The following EGFR variants were observed in gnomAD, a reference collection of about 807,000 sequenced individuals.
EGFR encodes avian erythroblastic leukemia viral (v-erb-b) oncogene homolog.
Under a neutral mutation model 143.0 loss-of-function variants are expected in EGFR, and 58 were observed. The observed-to-expected ratio is 0.41, with a 90% CI of 0.33 to 0.50. The LOEUF is 0.50. Ranked by LOEUF, EGFR falls within the 20% of genes least tolerant of loss-of-function variation. The pLI, the probability that EGFR is intolerant of heterozygous loss-of-function variation, is 0.39. For synonymous variants in EGFR, 613 were observed against 594.4 expected (o/e 1.03, Z -0.45); for missense variants, 1,307 against 1,579.0 (o/e 0.83, Z 2.92).
chr7:55,135,956 A>G (rs900158088), intron 1 of EGFR, among the ~76,000 whole-genome samples: 5 of 152,288 alleles, frequency 3.3e-5, no homozygotes, highest in African/African-American at 1.2e-4. Flanking sequence ...CATGGTCACT[A>G]TGGAAAACAT....
At position 55,155,911 on chromosome 7, in the gene EGFR, G is replaced by A. The variant is rs758748662; in HGVS notation, c.971G>A (p.Arg324His). The part of the protein sequence containing the change: ...DSYEMEEDGV[R>H]KCKKCEGPCR... Reference sequence around the variant, plus strand: ...TATGAGATGGAGGAAGACGGCGTCCGCAAGTGTAAGAAGTGCGAAGGGCCT... The same window carrying A: ...TATGAGATGGAGGAAGACGGCGTCCACAAGTGTAAGAAGTGCGAAGGGCCT... Residue 324 changes from arginine to histidine, a missense_variant, in exon 8 of 28, where the codon CGC becomes CAC. This residue lies in a region of EGFR where 311 missense variants were observed against 412.3 expected (regional missense o/e 0.75). Transcript: ENST00000275493. The A allele has an allele frequency of 2.5e-6, 4 of 1,613,874 alleles. No homozygotes were observed. The highest frequency in any genetic ancestry group is 2.5e-6 in the Non-Finnish European group (3 of 1,180,002).
chr7:55,177,830 A>C, intron 19 of EGFR, among the ~76,000 whole-genome samples: 1 of 152,214 alleles, frequency 6.6e-6, no homozygotes, highest in African/African-American at 2.4e-5. Context: ...GTTGTGGAAT[A>C]CCAAGCATGC....
At chr7:55,191,604 A>T (rs17290552) in intron 20 of EGFR, 115 bp from the exon 21 acceptor site, 1 of 1,422,286 alleles carries the variant, frequency 7.0e-7, no homozygotes, top group South Asian at 1.2e-5. Flanking sequence ...TTCGCCAGCC[A>T]TAAGTCCTCG....
At chr7:55,055,132 G>A (rs1404358408) in intron 1 of EGFR, among the ~76,000 whole-genome samples, 2 of 152,144 alleles carry the variant, frequency 1.3e-5, no homozygotes, top group Admixed American at 6.5e-5. Flanking sequence ...GCCCGTACCA[G>A]CCCCTGTGAG....
chr7:55,133,331 G>A (rs1337151344), intron 1 of EGFR, among the ~76,000 whole-genome samples: 1 of 152,178 alleles, frequency 6.6e-6, no homozygotes, highest in Non-Finnish European at 1.5e-5. Context: ...GGTGGAGGCT[G>A]GGCTGGGCTG....
At chr7:55,124,833 C>T (rs1021551938) in intron 1 of EGFR, among the ~76,000 whole-genome samples, 4 of 152,226 alleles carry the variant, frequency 2.6e-5, no homozygotes, top group Non-Finnish European at 5.9e-5. Flanking sequence ...CCGATTCTGA[C>T]CTGGAGATGT....
At chr7:55,091,138 AC>A (rs1226337326) in intron 1 of EGFR, among the ~76,000 whole-genome samples, 2 of 151,998 alleles carry the variant, frequency 1.3e-5, no homozygotes, top group Non-Finnish European at 2.9e-5. Context: ...TAATTTAAAG[AC>A]CCCGATTTCT....
intron 22 of EGFR, 55 bp downstream of exon 22, chr7:55,192,896 T>G: frequency 6.7e-7 from 1 of 1,487,744 alleles, no homozygotes; most frequent in Non-Finnish European, 9.4e-7. Context: ...CTGGCTTTTA[T>G]TGTTAGTTAA....
Position 55,210,412 on chromosome 7 carries a change from T to A in EGFR, c.*4795T>A, listed in dbSNP as rs573139496. 2 of 152,276 alleles carry A rather than the reference T, an allele frequency of 1.3e-5. No individual in the cohort carries two copies. Among genetic ancestry groups the A allele is most frequent in the African/African-American group, 4.8e-5 (2 of 41,556 alleles). The allele number at this position is 152,276 out of a possible 1,614,324, so 9.4% of individuals were successfully genotyped here. A position where few individuals can be genotyped will look rare whatever the true frequency, so the allele number is the denominator to read the frequency against. On this transcript the variant is annotated 3_prime_UTR_variant, in exon 28 of 28. Coordinates refer to ENST00000275493, the MANE Select transcript of EGFR (RefSeq NM_005228.5). Reference sequence around the variant, plus strand: ...GCAGTGACATCACCTGAGGAGCTTTTAAAAGCTTGAAGCCCAGCTACACCT... The same window carrying A: ...GCAGTGACATCACCTGAGGAGCTTTAAAAAGCTTGAAGCCCAGCTACACCT...
At chr7:55,049,618 T>C (rs1788369301) in intron 1 of EGFR, among the ~76,000 whole-genome samples, 1 of 152,010 alleles carries the variant, frequency 6.6e-6, no homozygotes, top group East Asian at 1.9e-4. Flanking sequence ...TCTCCTCCCC[T>C]CCCCTCTCCA....
chr7:55,065,049 A>C (rs1194266261), intron 1 of EGFR, among the ~76,000 whole-genome samples: 1 of 152,252 alleles, frequency 6.6e-6, no homozygotes, highest in Non-Finnish European at 1.5e-5. Context: ...TGTATTGAAA[A>C]GCATCTCAAA....
At chr7:55,031,431 A>G (rs1409694214) in intron 1 of EGFR, among the ~76,000 whole-genome samples, 1 of 152,340 alleles carries the variant, frequency 6.6e-6, no homozygotes, top group African/African-American at 2.4e-5. Flanking sequence ...AACATGAAGA[A>G]TCAGGTGAGT....
intron 3 of EGFR, among the ~76,000 whole-genome samples, chr7:55,146,190 C>A (rs1193562101): frequency 6.6e-6 from 1 of 151,900 alleles, no homozygotes; most frequent in African/African-American, 2.4e-5. Context: ...GGATGCCAGC[C>A]CCTCACCTGG....
chr7:55,089,580 TC>T (rs1790978694), intron 1 of EGFR, among the ~76,000 whole-genome samples: 2 of 152,224 alleles, frequency 1.3e-5, no homozygotes, highest in East Asian at 3.8e-4. Context: ...GTTATGAATC[TC>T]TAAAAGCATG....
intron 1 of EGFR, among the ~76,000 whole-genome samples, chr7:55,032,671 T>G (rs1787322498): frequency 6.6e-6 from 1 of 152,212 alleles, no homozygotes; most frequent in Non-Finnish European, 1.5e-5. Context: ...TATTACTATT[T>G]TGCAGCAGAT....
intron 1 of EGFR, among the ~76,000 whole-genome samples, chr7:55,118,035 G>A (rs984015576): frequency 7.2e-5 from 11 of 152,186 alleles, no homozygotes; most frequent in East Asian, 1.9e-4. Context: ...TTAGAATTGC[G>A]TTACAATTAC....
Position 55,165,375 on chromosome 7 carries a change from G to C in EGFR, c.1818G>C (p.Leu606=), listed in dbSNP as rs148242307. 1.9e-6 allele frequency: 3 copies of C among 1,614,152 alleles called. No individual in the cohort carries two copies. Among genetic ancestry groups the C allele is most frequent in the Non-Finnish European group, 2.5e-6 (3 of 1,180,028 alleles). Residue 606 remains leucine, a synonymous_variant, in exon 15 of 28, where the codon CTG becomes CTC. Coordinates refer to ENST00000275493, the MANE Select transcript of EGFR (RefSeq NM_005228.5). ...PAGVMGENNT[L]VWKYADAGHV... ...GAGTCATGGGAGAAAACAACACCCT[G>C]GTCTGGAAGTACGCAGACGCCGGCC... is the stretch of plus-strand genomic sequence containing the variant.
At chr7:55,170,170 C>A in intron 15 of EGFR, 1 of 1,500,012 alleles carries the variant, frequency 6.7e-7, no homozygotes, top group African/African-American at 1.4e-5. Flanking sequence ...CACCCAGACC[C>A]CCAAATTAAG....
intron 1 of EGFR, among the ~76,000 whole-genome samples, chr7:55,066,481 A>T (rs993393853): frequency 6.6e-6 from 1 of 152,248 alleles, no homozygotes; most frequent in Non-Finnish European, 1.5e-5. Flanking sequence ...GCGGCACACA[A>T]GTAAATCAAA....
Sources: gnomAD v4.1 joint callset for allele counts (sites outside exome capture counted in the v4.1 genomes callset) on GRCh38, gnomAD v4.1.1 for gene constraint, gnomAD v4.1.1 regional missense constraint, MANE v1.5 for transcripts, NCBI Gene and HGNC (gene_info 2026-07-23, HGNC 2026-07-21) for gene names.